Variants in STK33 observed in about 807,000 individuals in gnomAD.
STK33 encodes the protein serine/threonine kinase 33.
STK33 carries 52 observed loss-of-function variants against 58.0 expected under a neutral mutation model. That is an observed-to-expected ratio of 0.90 (90% CI 0.72 to 1.13). The LOEUF (loss-of-function observed/expected upper bound fraction) is 1.13. Among genes scored for constraint, STK33 ranks in the 50% most tolerant of loss-of-function variants. The pLI is 0.00. For missense variants in STK33, 630 were observed against 604.2 expected, an observed-to-expected ratio of 1.04 and a Z score of -0.45; for synonymous variants, 215 against 200.1, an observed-to-expected ratio of 1.07 and a Z score of -0.63.
At chr11:8,432,607 T>C (rs1337933943) in intron 14 of STK33, among the ~76,000 whole-genome samples, 4 of 152,196 alleles carry the variant, frequency 2.6e-5, no homozygotes, top group Non-Finnish European at 5.9e-5. Context: ...AAATGCACAG[T>C]ACATAGGCTA....
chr11:8,336,956 C>T, the STK33 span, among the ~76,000 whole-genome samples: 49 of 152,398 alleles, frequency 3.2e-4, no homozygotes, highest in Middle Eastern at 3.4e-3. Context: ...CTCCTGGCAG[C>T]CTGGCCTTGT....
At chr11:8,399,533 C>T (rs1374147124) in intron 15 of STK33, among the ~76,000 whole-genome samples, 2 of 152,182 alleles carry the variant, frequency 1.3e-5, no homozygotes, top group Non-Finnish European at 1.5e-5. Flanking sequence ...CTAAAACTGA[C>T]ACCCTAACAT....
At chr11:8,343,556 A>G in the STK33 span, among the ~76,000 whole-genome samples, 20 of 152,292 alleles carry the variant, frequency 1.3e-4, no homozygotes, top group African/African-American at 4.8e-4. Context: ...GGGCAGAAAG[A>G]ACAGGGAAAG....
intron 14 of STK33, among the ~76,000 whole-genome samples, chr11:8,415,510 G>A (rs962175475): frequency 6.6e-6 from 1 of 152,112 alleles, no homozygotes. Context: ...GAAGCATAGA[G>A]ATGGAGTCTC....
At chr11:8,445,561 C>T (rs1945333877) in intron 11 of STK33, among the ~76,000 whole-genome samples, 1 of 152,098 alleles carries the variant, frequency 6.6e-6, no homozygotes, top group African/African-American at 2.4e-5. Flanking sequence ...TTCATCAATA[C>T]CTAGTTTATT....
chr11:8,449,021 C>T (rs1351939702), intron 11 of STK33, among the ~76,000 whole-genome samples: 21 of 151,738 alleles, frequency 1.4e-4, no homozygotes, highest in Non-Finnish European at 2.9e-4. Context: ...AGCCAAAAGA[C>T]ACGTGAAAAA....
At chr11:8,352,954 G>T in the STK33 span, among the ~76,000 whole-genome samples, 6 of 152,224 alleles carry the variant, frequency 3.9e-5, no homozygotes, top group Non-Finnish European at 8.8e-5. Context: ...TCAGAGCCCA[G>T]GCTCATGAGC....
chr11:8,370,255 T>C, the STK33 span, among the ~76,000 whole-genome samples: 1 of 151,968 alleles, frequency 6.6e-6, no homozygotes, highest in Non-Finnish European at 1.5e-5. Flanking sequence ...TGGAGTATAG[T>C]GGCACGATCA....
downstream of STK33, among the ~76,000 whole-genome samples, chr11:8,388,272 C>A (rs1373949459): frequency 1.3e-5 from 2 of 152,186 alleles, no homozygotes; most frequent in African/African-American, 2.4e-5. Context: ...TGAGGGCTGA[C>A]CCAGATTATT....
At chr11:8,373,845 T>C in the STK33 span, among the ~76,000 whole-genome samples, 1 of 152,102 alleles carries the variant, frequency 6.6e-6, no homozygotes, top group African/African-American at 2.4e-5. Flanking sequence ...TGACTAGTGG[T>C]TCTCAAAGAG....
At chr11:8,536,998 T>G (rs1460083118) in intron 1 of STK33, among the ~76,000 whole-genome samples, 1 of 136,134 alleles carries the variant, frequency 7.3e-6, no homozygotes, top group Non-Finnish European at 1.6e-5. Context: ...TTTTTTTTTT[T>G]GTGACAGAGT....
chr11:8,383,710 C>T, the STK33 span, among the ~76,000 whole-genome samples: 3 of 152,176 alleles, frequency 2.0e-5, no homozygotes, highest in African/African-American at 7.2e-5. Context: ...CTCCGAATGG[C>T]ATTTCATGTC....
At chr11:8,404,408 GT>G (rs1199447782) in intron 15 of STK33, among the ~76,000 whole-genome samples, 1 of 152,136 alleles carries the variant, frequency 6.6e-6, no homozygotes, top group Admixed American at 6.5e-5. Flanking sequence ...TACCAAGAAA[GT>G]TCTCTCTTGC....
chr11:8,558,846 T>C (rs1565363385), intron 1 of STK33, among the ~76,000 whole-genome samples: 1 of 152,222 alleles, frequency 6.6e-6, no homozygotes, highest in Non-Finnish European at 1.5e-5. Context: ...TTGCAGCAAA[T>C]TCACGTTTTC....
the STK33 span, among the ~76,000 whole-genome samples, chr11:8,359,264 A>G: frequency 6.6e-6 from 1 of 152,176 alleles, no homozygotes; most frequent in East Asian, 1.9e-4. Flanking sequence ...TGCTAGTTAT[A>G]TGTCAGTGCT....
At chr11:8,582,632 A>T (rs1483096371) in intron 1 of STK33, among the ~76,000 whole-genome samples, 1 of 152,112 alleles carries the variant, frequency 6.6e-6, no homozygotes, top group Non-Finnish European at 1.5e-5. Flanking sequence ...ATACGTGGGG[A>T]TTATGGGGAT....
the STK33 span, among the ~76,000 whole-genome samples, chr11:8,353,409 TG>T: frequency 1.3e-5 from 2 of 152,236 alleles, no homozygotes; most frequent in Non-Finnish European, 2.9e-5. Context: ...CTTGACTTTC[TG>T]ATCTGTCTCA....
At chr11:8,370,616 C>A in the STK33 span, among the ~76,000 whole-genome samples, 1 of 152,178 alleles carries the variant, frequency 6.6e-6, no homozygotes, top group East Asian at 1.9e-4. Flanking sequence ...ATACGGGGCC[C>A]AGACCTCCAA....
At chr11:8,395,310 T>C (rs1014103188) in intron 15 of STK33, among the ~76,000 whole-genome samples, 1 of 152,220 alleles carries the variant, frequency 6.6e-6, no homozygotes, top group Non-Finnish European at 1.5e-5. Flanking sequence ...CGAAATCTGA[T>C]GGTTTTATAA....
Sources: allele counts gnomAD v4.1 joint callset (sites outside exome capture counted in the v4.1 genomes callset), GRCh38; gene constraint gnomAD v4.1.1; transcripts MANE v1.5; gene names NCBI Gene and HGNC (gene_info 2026-07-23, HGNC 2026-07-21).